Variants in MSANTD1 observed in about 807,000 individuals in gnomAD.
The protein encoded by MSANTD1 is myb/SANT-like DNA-binding domain-containing protein 1.
MSANTD1 carries 7 observed loss-of-function variants against 24.2 expected under a neutral mutation model. The ratio of observed to expected loss-of-function variants is 0.29; its 90% CI spans 0.16 to 0.54. The LOEUF (loss-of-function observed/expected upper bound fraction) is 0.54. MSANTD1 is among the 20% of genes least tolerant of loss of function. The probability of loss-of-function intolerance (pLI) is 0.94; values close to 1 mark genes in which losing one functional copy is unlikely to be tolerated. For synonymous variants in MSANTD1, 177 were observed against 181.1 expected, an observed-to-expected ratio of 0.98 and a Z score of 0.18; for missense variants, 384 against 408.2, an observed-to-expected ratio of 0.94 and a Z score of 0.51.
Position 3,249,195 on chromosome 4 carries a change from G to T in MSANTD1, c.-28G>T. On this transcript the variant is annotated 5_prime_UTR_variant, in exon 1 of 3. Coordinates refer to ENST00000438480, the MANE Select transcript of MSANTD1 (RefSeq NM_001042690.2). ...CCATTTTGAGCGTGGAGCTGCCTTC[G>T]AGCGAGCGTGAGCGGCGCCTCCCGC... The T allele has an allele frequency of 1.5e-6, 2 of 1,361,684 alleles. No homozygotes were observed. Among genetic ancestry groups the T allele is most frequent in the South Asian group, 1.8e-5 (1 of 54,256 alleles). The allele number at this position is 1,361,684 out of a possible 1,614,324, so 84.4% of individuals were successfully genotyped here. A position where few individuals can be genotyped will look rare whatever the true frequency, so the allele number is the denominator to read the frequency against.
Position 3,250,529 on chromosome 4 carries a change from C to T in MSANTD1, c.320+987C>T, listed in dbSNP as rs546306218. ...GCAGGGTGTGAAGGTCATAGGTGTG[C>T]GGTGAAGGTCACAGGTGTGGGGTGA... On this transcript the variant is annotated intron_variant, in intron 1 of 2. Coordinates refer to ENST00000438480, the MANE Select transcript of MSANTD1 (RefSeq NM_001042690.2). Among the ~76,000 whole-genome samples the T allele has an allele frequency of 5.9e-4, 89 of 152,110 alleles. 1 individual carries two copies. The highest frequency in any genetic ancestry group is 1.7e-3 in the South Asian group (8 of 4,800).
intron 2 of MSANTD1, among the ~76,000 whole-genome samples, chr4:3,254,319 G>A (rs1722320809): frequency 6.6e-6 from 1 of 152,186 alleles, no homozygotes; most frequent in Admixed American, 6.5e-5. Flanking sequence ...CTCATGCCGG[G>A]GGCCGCTGCT....
rs542794297 is a variant in MSANTD1, at chr4:3,249,472, G to A, written c.250G>A (p.Glu84Lys). The change falls in exon 1 of 3, where the codon GAG becomes AAG. Residue 84 changes from glutamate (E) to lysine (K), a missense_variant. Physicochemically the swap from Glu to Lys is moderately conservative, Grantham distance 56. Transcript: ENST00000438480. ...VYEKMASKLF[E>K]MTGERRLGEE... The stretch of plus-strand genomic sequence containing the variant: ...CGAGAAGATGGCCAGCAAGCTCTTC[G>A]AGATGACCGGCGAGCGCAGGCTGGG... The A allele has an allele frequency of 1.9e-5, 30 of 1,612,074 alleles. No homozygotes were observed. Among genetic ancestry groups the A allele is most frequent in the East Asian group, 4.5e-5 (2 of 44,862 alleles).
At chr4:3,249,052 A>G (rs1722125023), upstream of MSANTD1, 2 of 535,640 alleles carry the variant, frequency 3.7e-6, no homozygotes, top group Non-Finnish European at 5.9e-6. Flanking sequence ...GCTTTCAGTT[A>G]AAAGGTTTCT....
intron 1 of MSANTD1, among the ~76,000 whole-genome samples, chr4:3,250,233 C>G (rs1344830018): frequency 6.6e-6 from 1 of 152,182 alleles, no homozygotes; most frequent in Admixed American, 6.5e-5. Context: ...CCAGGACTCC[C>G]AGCGTGGGGG....
At chr4:3,250,655 G>A (rs1169623386) in intron 1 of MSANTD1, among the ~76,000 whole-genome samples, 3 of 152,322 alleles carry the variant, frequency 2.0e-5, no homozygotes, top group East Asian at 3.9e-4. Flanking sequence ...GGCCCTGTGG[G>A]CGGCCTGGAC....
upstream of MSANTD1, chr4:3,246,598 G>A: frequency 1.5e-6 from 1 of 672,000 alleles, no homozygotes; most frequent in Non-Finnish European, 2.7e-6. Context: ...AGGTGCTGCT[G>A]GTTGACCAGC....
chr4:3,255,326 C>T (rs1312107402), intron 2 of MSANTD1, among the ~76,000 whole-genome samples: 2 of 151,392 alleles, frequency 1.3e-5, no homozygotes, highest in Non-Finnish European at 2.9e-5. Context: ...TGGGTTCAAG[C>T]GATTCTCCTG....
upstream of MSANTD1, chr4:3,246,630 TA>T (rs1722035728): frequency 2.9e-6 from 2 of 695,802 alleles, no homozygotes; most frequent in Non-Finnish European, 5.2e-6. Context: ...GGAGACCCCG[TA>T]GCGACTGAGG....
intron 2 of MSANTD1, among the ~76,000 whole-genome samples, chr4:3,254,790 C>T (rs1335235694): frequency 6.6e-6 from 1 of 152,238 alleles, no homozygotes; most frequent in Admixed American, 6.5e-5. Context: ...GGCCCCACAC[C>T]CTCTAGGTGC....
chr4:3,249,576 C>A, intron 1 of MSANTD1, 34 bp downstream of exon 1: 1 of 1,560,782 alleles, frequency 6.4e-7, no homozygotes, highest in Non-Finnish European at 8.7e-7. Flanking sequence ...CCCACCAGGA[C>A]GGGCGGGCCC....
chr4:3,251,908 G>A (rs1314991839), intron 1 of MSANTD1, among the ~76,000 whole-genome samples: 1 of 152,180 alleles, frequency 6.6e-6, no homozygotes, highest in Non-Finnish European at 1.5e-5. Context: ...TGGGCACCCA[G>A]CGCCTGCCCT....
At chr4:3,255,440 T>G (rs907024069) in intron 2 of MSANTD1, among the ~76,000 whole-genome samples, 5 of 152,140 alleles carry the variant, frequency 3.3e-5, no homozygotes, top group Non-Finnish European at 7.4e-5. Flanking sequence ...GCCAGGCTGG[T>G]CTTGAACTCC....
chr4:3,249,674 G>A (rs1002017261), intron 1 of MSANTD1, 132 bp downstream of exon 1: 36 of 885,942 alleles, frequency 4.1e-5, no homozygotes, highest in Admixed American at 1.3e-4. Flanking sequence ...TCCTCTGGCC[G>A]GGTATGGGCA....
chr4:3,249,409 G>A lies in MSANTD1; in HGVS notation c.187G>A (p.Asp63Asn), dbSNP rs369051486. The A allele has an allele frequency of 1.0e-5, 16 of 1,602,542 alleles. No homozygotes were observed. The highest frequency in any genetic ancestry group is 1.6e-4 in the Middle Eastern group (1 of 6,072). The change falls in exon 1 of 3, where the codon GAC becomes AAC. Residue 63 changes from aspartate to asparagine, a missense_variant. By Grantham distance (23) the Asp-to-Asn change is conservative. Transcript: ENST00000438480. ...CATGCTGGTCTGGGAGGAGTTCTTC[G>A]ACGAGCTCAAGCAGACCAAGCGCAA... ...GLMLVWEEFF[D>N]ELKQTKRNAK...
chr4:3,247,290 C>T (rs1006848198), upstream of MSANTD1, among the ~76,000 whole-genome samples: 10 of 152,124 alleles, frequency 6.6e-5, no homozygotes, highest in Admixed American at 1.3e-4. Flanking sequence ...CATGCTGAGT[C>T]GCTAGAGCTG....
chr4:3,247,219 T>A (rs1246837942), upstream of MSANTD1, among the ~76,000 whole-genome samples: 6 of 152,156 alleles, frequency 3.9e-5, no homozygotes, highest in Non-Finnish European at 4.4e-5. Flanking sequence ...TATAGTCAGA[T>A]CCTGTTACCC....
rs1478724673 is a variant in MSANTD1 at position 3,253,335 on chromosome 4, G to A, written c.449G>A (p.Gly150Glu). Residue 150 changes from glycine (G) to glutamate (E), a missense_variant, in exon 2 of 3, where the codon GGG becomes GAG. Transcript: ENST00000438480. ...AAACTGCCGGACAGCCAGCCGCCGG[G>A]GCCCTCCACGTCCCAGACCGAGGCG... The part of the protein sequence containing the change: ...DGKLPDSQPP[G>E]PSTSQTEASL... 1.9e-6 allele frequency: 3 copies of A among 1,610,328 alleles called. No homozygotes were observed. The highest frequency in any genetic ancestry group is 2.7e-5 in the African/African-American group (2 of 74,924).
intron 1 of MSANTD1, among the ~76,000 whole-genome samples, chr4:3,251,124 G>T (rs1158151579): frequency 6.6e-6 from 1 of 152,240 alleles, no homozygotes. Context: ...ATCTTCAGAG[G>T]TTCGGTGGAC....
Sources: allele counts gnomAD v4.1 joint callset (sites outside exome capture counted in the v4.1 genomes callset), GRCh38; gene constraint gnomAD v4.1.1; transcripts MANE v1.5; gene names NCBI Gene and HGNC (gene_info 2026-07-23, HGNC 2026-07-21).